The following CACNA2D4 variants were observed in gnomAD, a reference collection of about 807,000 sequenced individuals.
The protein encoded by CACNA2D4 is calcium voltage-gated channel auxiliary subunit alpha2delta 4, also known as voltage-dependent calcium channel subunit alpha-2/delta-4.
CACNA2D4 carries 157 observed loss-of-function variants against 163.8 expected under a neutral mutation model. That is an observed-to-expected ratio of 0.96 (90% CI 0.84 to 1.09). The LOEUF (loss-of-function observed/expected upper bound fraction) is 1.09, where lower values mean the gene tolerates loss of function less well. Among genes scored for constraint, CACNA2D4 ranks in the 50% least tolerant of loss-of-function variants. The pLI is 0.00. For synonymous variants in CACNA2D4, 598 were observed against 586.9 expected (o/e 1.02, Z -0.27); for missense variants, 1,410 against 1,479.9 (o/e 0.95, Z 0.78).
chr12:1,815,991 T>C (rs570378844), intron 26 of CACNA2D4, among the ~76,000 whole-genome samples: 82 of 152,322 alleles, frequency 5.4e-4, no homozygotes, highest in African/African-American at 1.9e-3. Context: ...TGTTCTGCCG[T>C]GCCCAACCGC....
chr12:1,879,164 A>G (rs1433827994), intron 14 of CACNA2D4, 128 bp from the exon 15 acceptor site: 18 of 653,168 alleles, frequency 2.8e-5, no homozygotes, highest in Non-Finnish European at 4.4e-5. Context: ...TTCCTCTGCA[A>G]TTAGATTCTA....
At chr12:1,863,373 T>C (rs569914132) in intron 18 of CACNA2D4, among the ~76,000 whole-genome samples, 32 of 152,370 alleles carry the variant, frequency 2.1e-4, no homozygotes, top group Non-Finnish European at 3.5e-4. Flanking sequence ...TTGTCCAAAT[T>C]TGTTCTTCTA....
chr12:1,884,926 C>T (rs1339983813), intron 10 of CACNA2D4, 45 bp from the exon 11 acceptor site: 1 of 1,599,498 alleles, frequency 6.3e-7, no homozygotes. Flanking sequence ...CCAAGCCCAC[C>T]CCCCTCCACC....
intron 26 of CACNA2D4, among the ~76,000 whole-genome samples, chr12:1,838,402 G>A (rs902905955): frequency 7.9e-5 from 12 of 152,178 alleles, no homozygotes; most frequent in Non-Finnish European, 1.5e-4. Flanking sequence ...AGTGCCAGCC[G>A]TTTCCAGGGA....
chr12:1,871,411 C>A (rs1024919348), intron 18 of CACNA2D4, among the ~76,000 whole-genome samples: 8 of 117,820 alleles, frequency 6.8e-5, no homozygotes, highest in African/African-American at 2.7e-4. Context: ...GGTGTGTGTA[C>A]AAATGTGTGC....
chr12:1,818,397 T>G (rs1423406551), intron 26 of CACNA2D4, among the ~76,000 whole-genome samples: 1 of 151,876 alleles, frequency 6.6e-6, no homozygotes, highest in Admixed American at 6.5e-5. Flanking sequence ...GAAGTAGACA[T>G]GGGAGACTTT....
rs976586230 is a variant in CACNA2D4 at position 1,798,407 on chromosome 12, C to G, written c.2996-872G>C. Among the ~76,000 whole-genome samples the G allele has an allele frequency of 5.3e-5, 8 of 152,122 alleles. No homozygotes were observed. The highest frequency in any genetic ancestry group is 1.9e-4 in the African/African-American group (8 of 41,420). On this transcript the variant is annotated intron_variant, in intron 34 of 37. Transcript: ENST00000382722. This position sits in a 1 kb window ranked among gnomAD's most constrained non-coding sequence, Gnocchi z 4.3. ...CAGAGTCCTACAGGAGAGCATGGGT[C>G]TCCCCAGCTTCCAAATCCAGAAGCT...
rs751761220 is a variant in CACNA2D4, at chr12:1,914,905, C to T, written c.258G>A (p.Gly86=). 28 of 1,613,682 alleles carry T rather than the reference C, an allele frequency of 1.7e-5. No homozygotes were observed. In the Middle Eastern group the frequency reaches 4.9e-4, roughly 28 times the overall value. The change falls in exon 2 of 38, where the codon GGG becomes GGA. Residue 86 remains glycine (G), a synonymous_variant. Transcript: ENST00000382722. ...ATTTGGTCACAGTGTTATACAGGTC[C>T]CCGCCGAAGGTGTCAGCCCATAGCT... The part of the protein sequence containing the change: ...TVKLWADTFG[G]DLYNTVTKYS...
chr12:1,849,321 C>T (rs1331146800), intron 23 of CACNA2D4, among the ~76,000 whole-genome samples: 1 of 152,194 alleles, frequency 6.6e-6, no homozygotes, highest in East Asian at 1.9e-4. Context: ...TATCTCTTTT[C>T]CCTTTTGCTG....
At chr12:1,918,137 C>T (rs1427901399) in intron 1 of CACNA2D4, 110 bp downstream of exon 1, 8 of 796,654 alleles carry the variant, frequency 1.0e-5, no homozygotes, top group Non-Finnish European at 1.7e-5. Context: ...GGGAAAAGCC[C>T]AGAGGGAGGG....
rs530228960 is a variant in CACNA2D4 at position 1,906,630 on chromosome 12, G to A, written c.781+810C>T. On this transcript the variant is annotated intron_variant, in intron 6 of 37. Coordinates refer to ENST00000382722, the MANE Select transcript of CACNA2D4 (RefSeq NM_172364.5). ...GAATTCCACCCTGGAGTAGACAAGA[G>A]GGGCACGTGAACTGCTGCATGGAAG... 2.0e-5 allele frequency among the ~76,000 whole-genome samples: 3 copies of A among 152,306 alleles called. No homozygotes were observed. In the South Asian group the frequency reaches 6.2e-4, roughly 32 times the overall value.
Position 1,828,002 on chromosome 12 carries a change from G to A in CACNA2D4, c.2551+12737C>T. On this transcript the variant is annotated intron_variant, in intron 26 of 37. Transcript: ENST00000382722. This position sits in a 1 kb window ranked among gnomAD's most constrained non-coding sequence, Gnocchi z 4.2. Reference sequence around the variant, plus strand: ...CATGAGGAGTGTAAAGAGACACCCGGGCCCTCTCCCTAACCCCTGGGCTGG... The same window carrying A: ...CATGAGGAGTGTAAAGAGACACCCGAGCCCTCTCCCTAACCCCTGGGCTGG... 2 of 565,496 alleles carry A rather than the reference G, an allele frequency of 3.5e-6. No homozygotes were observed. Among genetic ancestry groups the A allele is most frequent in the Non-Finnish European group, 5.9e-6 (2 of 339,920 alleles). The allele number at this position is 565,496 out of a possible 1,614,324, so 35.0% of individuals were successfully genotyped here.
At chr12:1,809,193 TC>T (rs150911094) in intron 29 of CACNA2D4, among the ~76,000 whole-genome samples, 2,652 of 152,326 alleles carry the variant, frequency 0.017, 72 homozygotes, top group East Asian at 0.085. Context: ...CCTGCCCTGT[TC>T]CGACGACTTC....
At chr12:1,797,288 C>A (rs1592645461) in intron 35 of CACNA2D4, 130 bp downstream of exon 35, 1 of 710,506 alleles carries the variant, frequency 1.4e-6, no homozygotes, top group East Asian at 2.7e-5. Context: ...GTGGGCTCTG[C>A]ACTTAGACGC....
At position 1,895,170 on chromosome 12, in the gene CACNA2D4, A is replaced by G. The variant is rs11611863; in HGVS notation, c.782-8101T>C. On this transcript the variant is annotated intron_variant, in intron 6 of 37. Coordinates refer to ENST00000382722, the MANE Select transcript of CACNA2D4 (RefSeq NM_172364.5). ...CAAAAAAGTACCTAGGAATAAATTTAACCAAGAAGGTGAAGGACCTGCATA... is the reference window on the plus strand; with the variant it reads ...CAAAAAAGTACCTAGGAATAAATTTGACCAAGAAGGTGAAGGACCTGCATA... 3.6e-3 allele frequency among the ~76,000 whole-genome samples: 547 copies of G among 152,310 alleles called. 3 individuals carry two copies. Among genetic ancestry groups the G allele is most frequent in the Non-Finnish European group, 5.1e-3 (349 of 68,024 alleles).
At chr12:1,822,635 G>A (rs1864152796) in intron 26 of CACNA2D4, among the ~76,000 whole-genome samples, 1 of 152,254 alleles carries the variant, frequency 6.6e-6, no homozygotes, top group South Asian at 2.1e-4. Context: ...GGGTGCAGGA[G>A]GCTGGGGGTG....
At chr12:1,796,160 G>C (rs1863119063) in intron 35 of CACNA2D4, among the ~76,000 whole-genome samples, 5 of 152,234 alleles carry the variant, frequency 3.3e-5, no homozygotes, top group Non-Finnish European at 7.3e-5. Flanking sequence ...GGCAGGCCCG[G>C]GCGAAGCGGC....
rs75813147 is a variant in CACNA2D4, at chr12:1,844,258, G to A, written c.2470+144C>T. On this transcript the variant is annotated intron_variant, in intron 25 of 37. Transcript: ENST00000382722. This position sits in a 1 kb window ranked among gnomAD's most constrained non-coding sequence, Gnocchi z 4.2. ...CTTTTTTAAGTCACTAATGCATGCA[G>A]GAGGGAAGGCAGGAGGGGAACCCTG... 0.03 allele frequency: 28,095 copies of A among 937,664 alleles called. 589 individuals are homozygous for A. The highest frequency in any genetic ancestry group is 0.037 in the Non-Finnish European group (23,928 of 638,544). 58.1% of individuals were successfully genotyped at this position (937,664 alleles called of 1,614,324 possible).
chr12:1,858,108 C>A (rs568423757), intron 20 of CACNA2D4, among the ~76,000 whole-genome samples: 13 of 152,314 alleles, frequency 8.5e-5, no homozygotes, highest in African/African-American at 3.1e-4. Context: ...GACTTCCAGC[C>A]TCCAGAACCG....
Sources: gnomAD v4.1 joint callset for allele counts (sites outside exome capture counted in the v4.1 genomes callset) on GRCh38, gnomAD v4.1.1 for gene constraint, Gnocchi (gnomAD v3.1) non-coding constraint, MANE v1.5 for transcripts, NCBI Gene and HGNC (gene_info 2026-07-23, HGNC 2026-07-21) for gene names.